A3GALT2: variants seen among roughly 807,000 people sequenced by gnomAD.
The protein encoded by A3GALT2 is alpha-1,3-galactosyltransferase 2.
Under a neutral mutation model 16.6 loss-of-function variants are expected in A3GALT2, and 14 were observed. The ratio of observed to expected loss-of-function variants is 0.84; its 90% CI spans 0.56 to 1.32. A3GALT2 has a LOEUF of 1.32. A3GALT2 is among the 40% of genes most tolerant of loss of function. The pLI, the probability that A3GALT2 is intolerant of heterozygous loss-of-function variation, is 0.00. For missense variants in A3GALT2, 600 were observed against 490.9 expected (o/e 1.22, Z -2.10); for synonymous variants, 253 against 218.0 (o/e 1.16, Z -1.42).
chr1:33,312,120 TG>T lies in A3GALT2; in HGVS notation c.266del (p.Pro89GlnfsTer17). 6.2e-7 allele frequency: 1 copy of T among 1,613,656 alleles called. No homozygotes were observed. Among genetic ancestry groups the T allele is most frequent in the Non-Finnish European group, 8.5e-7 (1 of 1,179,822 alleles). Reference sequence around the variant, plus strand: ...GTCTAGCCTCTTGCTTGGCCACATCTGGGTCGAAAGAGCCATCCCAAATAAT... The same window carrying T: ...GTCTAGCCTCTTGCTTGGCCACATCTGGTCGAAAGAGCCATCCCAAATAAT... ...APIIWDGSFD[P>X]DVAKQEARQQ... On this transcript the variant is annotated frameshift_variant, in exon 4 of 5. Transcript: ENST00000442999. LOFTEE classifies it high-confidence loss of function.
In A3GALT2 at chr1:33,306,893, CAGA is replaced by C. The variant is rs774082159; in HGVS notation, c.893_895del (p.Phe298del). 405 of 1,523,238 alleles carry C rather than the reference CAGA, an allele frequency of 2.7e-4. 2 individuals carry two copies. Among genetic ancestry groups the C allele is most frequent in the South Asian group, 1.3e-3 (108 of 81,678 alleles). The allele number at this position is 1,523,238 out of a possible 1,614,324, so 94.4% of individuals were successfully genotyped here. ...CAGCACCTTGGCGGGCTTGTGCAGC[CAGA>C]AGAACTTGTTGAGGTGGCTCTCGTC... is the stretch of plus-strand genomic sequence containing the variant. On this transcript the variant is annotated inframe_deletion, in exon 5 of 5. Transcript: ENST00000442999.
At chr1:33,311,262 C>G (rs1646231326) in intron 4 of A3GALT2, among the ~76,000 whole-genome samples, 1 of 152,148 alleles carries the variant, frequency 6.6e-6, no homozygotes, top group Non-Finnish European at 1.5e-5. Context: ...GTCAGCACCC[C>G]GCTGCCATTT....
At position 33,311,211 on chromosome 1, in the gene A3GALT2, G is replaced by A. The variant is rs377131151; in HGVS notation, c.335+841C>T. Among the ~76,000 whole-genome samples the A allele has an allele frequency of 7.6e-4, 116 of 152,156 alleles. 1 individual carries two copies. The highest frequency in any genetic ancestry group is 3.2e-3 in the Middle Eastern group (1 of 316). On this transcript the variant is annotated intron_variant, in intron 4 of 4. Transcript: ENST00000442999. ...CCCTTCGTGTCACTTCAGGAAGGTC[G>A]ACACCCAGTTTAGACACTCCCTGTC...
At chr1:33,309,551 C>T (rs1218496159) in intron 4 of A3GALT2, among the ~76,000 whole-genome samples, 4 of 149,980 alleles carry the variant, frequency 2.7e-5, no homozygotes, top group Admixed American at 6.6e-5. Context: ...CCAGGTGGGG[C>T]GGCTGCCGGG....
In A3GALT2 at chr1:33,306,919, G is replaced by A. The variant is rs765500803; in HGVS notation, c.870C>T (p.Asp290=). The change falls in exon 5 of 5, where the codon GAC becomes GAT. Residue 290 remains aspartate (D), a synonymous_variant. Coordinates refer to ENST00000442999, the MANE Select transcript of A3GALT2 (RefSeq NM_001080438.1). ...AGAAGAACTTGTTGAGGTGGCTCTC[G>A]TCGTGCCAGCGCGCCTCCAGGCCGC... ...RARGLEARWH[D]ESHLNKFFWL... The A allele has an allele frequency of 5.9e-6, 9 of 1,520,298 alleles. No homozygotes were observed. The African/African-American group carries it at 1.0e-4, about 17-fold the overall frequency. 94.2% of individuals were successfully genotyped at this position (1,520,298 alleles called of 1,614,324 possible). A position where few individuals can be genotyped will look rare whatever the true frequency, so the allele number is the denominator to read the frequency against.
chr1:33,307,326 C>G lies in A3GALT2; in HGVS notation c.463G>C (p.Gly155Arg). Residue 155 changes from glycine (G) to arginine (R), a missense_variant, in exon 5 of 5, where the codon GGA becomes CGA. Gly to Arg is a moderately radical substitution (Grantham distance 125). Transcript: ENST00000442999. Reference protein sequence around the residue: ...GAVPRVALGPGRRLPVERVAR... With the variant: ...GAVPRVALGPRRRLPVERVAR... ...ACGCGCTCCACGGGCAGCCGGCGTC[C>G]CGGGCCCAGCGCCACGCGGGGCACC... 1.3e-6 allele frequency: 2 copies of G among 1,517,006 alleles called. No homozygotes were observed. The highest frequency in any genetic ancestry group is 1.8e-6 in the Non-Finnish European group (2 of 1,141,832). The allele number at this position is 1,517,006 out of a possible 1,614,324, so 94.0% of individuals were successfully genotyped here.
intron 1 of A3GALT2, chr1:33,314,934 TA>T: frequency 6.6e-6 from 1 of 152,258 alleles, no homozygotes; most frequent in East Asian, 1.9e-4. Context: ...GTTTTGCCTA[TA>T]AAATGAGCAC....
At chr1:33,318,303 ATAATT>A (rs1646270357) in intron 1 of A3GALT2, among the ~76,000 whole-genome samples, 1 of 152,194 alleles carries the variant, frequency 6.6e-6, no homozygotes, top group African/African-American at 2.4e-5. Flanking sequence ...ATTGTTACAA[ATAATT>A]TAATGCCCCA....
chr1:33,314,282 C>CA (rs1281488262), intron 1 of A3GALT2: 1 of 152,194 alleles, frequency 6.6e-6, no homozygotes, highest in Admixed American at 6.5e-5. Flanking sequence ...AGGCTGGTCT[C>CA]AAACTCCTGA....
At chr1:33,316,327 G>C (rs534015058) in intron 1 of A3GALT2, among the ~76,000 whole-genome samples, 1 of 152,078 alleles carries the variant, frequency 6.6e-6, no homozygotes, top group Non-Finnish European at 1.5e-5. Context: ...CCCAGGGCCC[G>C]CATGTCAGGC....
intron 2 of A3GALT2, 100 bp downstream of exon 2, chr1:33,312,707 A>G (rs762724912): frequency 7.7e-6 from 11 of 1,432,938 alleles, no homozygotes; most frequent in Non-Finnish European, 1.1e-5. Context: ...ACTTGAGCTG[A>G]GTTAGCCACT....
At chr1:33,319,628 G>GCC (rs902761149) in intron 1 of A3GALT2, among the ~76,000 whole-genome samples, 2 of 152,146 alleles carry the variant, frequency 1.3e-5, no homozygotes, top group African/African-American at 2.4e-5. Flanking sequence ...TGCGCACGTG[G>GCC]CCTGCACTCC....
At chr1:33,310,594 G>GA (rs1646228942) in intron 4 of A3GALT2, among the ~76,000 whole-genome samples, 3 of 152,342 alleles carry the variant, frequency 2.0e-5, no homozygotes, top group Middle Eastern at 3.4e-3. Flanking sequence ...AAGAGCGTTA[G>GA]AAACTTGTAT....
chr1:33,307,611 C>T (rs1323936905), intron 4 of A3GALT2, among the ~76,000 whole-genome samples, 158 bp from the exon 5 acceptor site: 99 of 86,910 alleles, frequency 1.1e-3, no homozygotes, highest in Non-Finnish European at 1.5e-3. Context: ...CATCCCACCC[C>T]TCCCAACCCT....
chr1:33,307,164 C>T lies in A3GALT2; in HGVS notation c.625G>A (p.Gly209Arg). Residue 209 changes from glycine to arginine, a missense_variant, in exon 5 of 5, where the codon GGG becomes AGG. Gly to Arg is a moderately radical substitution (Grantham distance 125). Coordinates refer to ENST00000442999, the MANE Select transcript of A3GALT2 (RefSeq NM_001080438.1). ...ACCGACTCGGCCAGCGCCTCGGGCC[C>T]AAAAGTGCCGCTGAAGTGCTGGTCC... ...DVDQHFSGTF[G>R]PEALAESVAQ... 1 of 1,553,876 alleles carries T rather than the reference C, an allele frequency of 6.4e-7. No individual in the cohort carries two copies. Among genetic ancestry groups the T allele is most frequent in the Non-Finnish European group, 8.7e-7 (1 of 1,153,332 alleles).
intron 4 of A3GALT2, among the ~76,000 whole-genome samples, chr1:33,308,763 T>G (rs1375936529): frequency 3.4e-4 from 40 of 116,654 alleles, no homozygotes; most frequent in South Asian, 1.3e-3. Context: ...TTTTTTTTTT[T>G]TTTTTTTTTT....
chr1:33,306,892 C>T lies in A3GALT2; in HGVS notation c.897G>A (p.Trp299Ter), dbSNP rs1646194945. 6.6e-7 allele frequency: 1 copy of T among 1,522,966 alleles called. No homozygotes were observed. The highest frequency in any genetic ancestry group is 2.7e-5 in the East Asian group (1 of 37,532). The allele number at this position is 1,522,966 out of a possible 1,614,324, so 94.3% of individuals were successfully genotyped here. A position where few individuals can be genotyped will look rare whatever the true frequency, so the allele number is the denominator to read the frequency against. Residue 299 changes from tryptophan (W) to a stop codon, truncating the protein, a stop_gained, in exon 5 of 5, where the codon TGG (tryptophan) becomes TGA (stop). Coordinates refer to ENST00000442999, the MANE Select transcript of A3GALT2 (RefSeq NM_001080438.1). LOFTEE classifies it low-confidence loss of function (END_TRUNC). Reference sequence around the variant, plus strand: ...ACAGCACCTTGGCGGGCTTGTGCAGCCAGAAGAACTTGTTGAGGTGGCTCT... The same window carrying T: ...ACAGCACCTTGGCGGGCTTGTGCAGTCAGAAGAACTTGTTGAGGTGGCTCT... Reference protein sequence around the residue: ...HDESHLNKFFWLHKPAKVLSP... With the variant: ...HDESHLNKFF
rs1302421324 is a variant in A3GALT2, at chr1:33,320,864, C to T, written c.23+212G>A. Among the ~76,000 whole-genome samples, 1 of 151,930 alleles carries T rather than the reference C, an allele frequency of 6.6e-6. No individual in the cohort carries two copies. Among genetic ancestry groups the T allele is most frequent in the Admixed American group, 6.6e-5 (1 of 15,076 alleles). ...AAAATCTTGTGGAATACAACCTCCC[C>T]CACCCCGGTGTCCATGCACACGGAT... is the stretch of plus-strand genomic sequence containing the variant. On this transcript the variant is annotated intron_variant, in intron 1 of 4. Coordinates refer to ENST00000442999, the MANE Select transcript of A3GALT2 (RefSeq NM_001080438.1). The surrounding 1 kb of genome is among the most constrained non-coding windows in gnomAD (Gnocchi z 4.3).
intron 3 of A3GALT2, 59 bp from the exon 4 acceptor site, chr1:33,312,248 T>C: frequency 6.3e-7 from 1 of 1,599,692 alleles, no homozygotes; most frequent in Admixed American, 1.7e-5. Flanking sequence ...ACTTGGTGCA[T>C]GTTCACTGCC....
Sources: allele counts gnomAD v4.1 joint callset (sites outside exome capture counted in the v4.1 genomes callset), GRCh38; gene constraint gnomAD v4.1.1; non-coding constraint Gnocchi (gnomAD v3.1); transcripts MANE v1.5; gene names NCBI Gene and HGNC (gene_info 2026-07-23, HGNC 2026-07-21).